The following PARD3B variants were observed in gnomAD, a reference collection of about 807,000 sequenced individuals.
The protein encoded by PARD3B is partitioning defective 3 homolog B.
Under a neutral mutation model 130.2 loss-of-function variants are expected in PARD3B, and 103 were observed. The ratio of observed to expected loss-of-function variants is 0.79; its 90% CI spans 0.67 to 0.93. The LOEUF is 0.93. PARD3B is among the 40% of genes least tolerant of loss of function. The probability of loss-of-function intolerance (pLI) is 0.00; values close to 1 mark genes in which losing one functional copy is unlikely to be tolerated. For missense variants in PARD3B, 1,609 were observed against 1,499.2 expected (o/e 1.07, Z -1.21); for synonymous variants, 583 against 553.2 (o/e 1.05, Z -0.76).
chr2:205,199,508 C>CG (rs2036874831), intron 15 of PARD3B, among the ~76,000 whole-genome samples: 1 of 151,940 alleles, frequency 6.6e-6, no homozygotes, highest in South Asian at 2.1e-4. Context: ...CACGCACACA[C>CG]GCACACACGT....
intron 2 of PARD3B, among the ~76,000 whole-genome samples, chr2:204,750,627 TACATACACACAC>T (rs1339072144): frequency 2.9e-5 from 4 of 138,866 alleles, no homozygotes; most frequent in Non-Finnish European, 6.2e-5. Context: ...CATACATACA[TACATACACACAC>T]ACATACATAC....
At chr2:205,579,900 A>T (rs1262959529) in intron 22 of PARD3B, among the ~76,000 whole-genome samples, 1 of 152,106 alleles carries the variant, frequency 6.6e-6, no homozygotes, top group East Asian at 1.9e-4. Flanking sequence ...TATTCCAAGC[A>T]CCCTACCTTG....
chr2:204,649,395 G>A (rs1035788534), intron 1 of PARD3B, among the ~76,000 whole-genome samples: 2 of 151,990 alleles, frequency 1.3e-5, no homozygotes, highest in East Asian at 1.9e-4. Flanking sequence ...GTCATTGGAT[G>A]TGTGTGTCTA....
chr2:205,494,210 C>G (rs2049841634), intron 20 of PARD3B, among the ~76,000 whole-genome samples: 1 of 152,188 alleles, frequency 6.6e-6, no homozygotes, highest in African/African-American at 2.4e-5. Flanking sequence ...AAAACAGAAA[C>G]AGCTGTTTGA....
intron 2 of PARD3B, among the ~76,000 whole-genome samples, chr2:204,801,353 A>C (rs2042561188): frequency 6.6e-6 from 1 of 152,196 alleles, no homozygotes; most frequent in Non-Finnish European, 1.5e-5. Context: ...TGAGCATGGA[A>C]TGTTTTTCCA....
chr2:205,338,047 G>A lies in PARD3B; in HGVS notation c.2630+36346G>A, dbSNP rs141353151. Among the ~76,000 whole-genome samples the A allele has an allele frequency of 1.1e-3, 161 of 151,630 alleles. 1 individual carries two copies. The highest frequency in any genetic ancestry group is 1.8e-3 in the Non-Finnish European group (123 of 67,872). On this transcript the variant is annotated intron_variant, in intron 18 of 22. Transcript: ENST00000406610. ...CAGACACCTGTAATCCCAGCTACTC[G>A]GGAGGCTGAGGCAGAGAATTGCTTC... is the stretch of plus-strand genomic sequence containing the variant.
intron 2 of PARD3B, among the ~76,000 whole-genome samples, chr2:204,949,554 T>C (rs1046254193): frequency 6.6e-6 from 1 of 152,134 alleles, no homozygotes; most frequent in Admixed American, 6.5e-5. Context: ...ACTCCTGGGC[T>C]CAAGCCGCCC....
At chr2:204,584,091 A>G (rs2032712348) in intron 1 of PARD3B, among the ~76,000 whole-genome samples, 1 of 152,238 alleles carries the variant, frequency 6.6e-6, no homozygotes, top group Non-Finnish European at 1.5e-5. Context: ...AATTAGATGC[A>G]AGGGTGAGGT....
At chr2:204,704,832 A>G (rs2038060224) in intron 2 of PARD3B, among the ~76,000 whole-genome samples, 1 of 151,908 alleles carries the variant, frequency 6.6e-6, no homozygotes, top group African/African-American at 2.4e-5. Flanking sequence ...AGAATTTTTT[A>G]TTGGTTCATT....
At chr2:204,619,316 T>C (rs779126273) in intron 1 of PARD3B, among the ~76,000 whole-genome samples, 2 of 152,096 alleles carry the variant, frequency 1.3e-5, no homozygotes, top group Non-Finnish European at 2.9e-5. Context: ...GGAGAATTAA[T>C]TGGCAGGCAT....
At chr2:205,383,782 T>C (rs1244711249) in intron 18 of PARD3B, among the ~76,000 whole-genome samples, 2 of 152,136 alleles carry the variant, frequency 1.3e-5, no homozygotes, top group Non-Finnish European at 1.5e-5. Context: ...CTTCCTGGTA[T>C]GTAATGAATG....
At chr2:205,441,991 A>G (rs917489890) in intron 20 of PARD3B, among the ~76,000 whole-genome samples, 3 of 152,204 alleles carry the variant, frequency 2.0e-5, no homozygotes, top group Non-Finnish European at 4.4e-5. Flanking sequence ...CCCAGCCTTC[A>G]TAGAGGATTG....
At chr2:205,400,556 G>T (rs377395623) in intron 18 of PARD3B, among the ~76,000 whole-genome samples, 1 of 151,830 alleles carries the variant, frequency 6.6e-6, no homozygotes, top group Non-Finnish European at 1.5e-5. Flanking sequence ...CACGAGAATC[G>T]CTTGAACCCC....
chr2:204,987,539 A>G (rs1693272514), intron 3 of PARD3B, among the ~76,000 whole-genome samples: 1 of 152,232 alleles, frequency 6.6e-6, no homozygotes, highest in African/African-American at 2.4e-5. Context: ...TGATGAACTC[A>G]GATCATCATC....
intron 15 of PARD3B, among the ~76,000 whole-genome samples, chr2:205,218,174 G>A (rs960393204): frequency 1.3e-5 from 2 of 151,816 alleles, no homozygotes; most frequent in African/African-American, 4.8e-5. Flanking sequence ...TACAAGACAT[G>A]AGCCACCACG....
chr2:204,891,625 A>G (rs751654919), intron 2 of PARD3B, among the ~76,000 whole-genome samples: 62 of 152,294 alleles, frequency 4.1e-4, no homozygotes, highest in South Asian at 2.1e-4. Flanking sequence ...ATACTGCAGT[A>G]AAAAGCTTAC....
rs1281074902 is a variant in PARD3B, at chr2:205,291,692, G to A, written c.2186-8838G>A. Among the ~76,000 whole-genome samples, 9 of 152,128 alleles carry A rather than the reference G, an allele frequency of 5.9e-5. No individual in the cohort carries two copies. Among genetic ancestry groups the A allele is most frequent in the Admixed American group, 5.9e-4 (9 of 15,270 alleles). ...GACTGCTTATAGTAAAATTCAAGAT[G>A]AGAAAAATGACCTAAAGATGGAATT... On this transcript the variant is annotated intron_variant, in intron 16 of 22. Coordinates refer to ENST00000406610, the MANE Select transcript of PARD3B (RefSeq NM_001302769.2). The surrounding 1 kb of genome is among the most constrained non-coding windows in gnomAD (Gnocchi z 4.6).
rs114738570 is a variant in PARD3B at position 205,169,395 on chromosome 2, T to G, written c.1621-2816T>G. Among the ~76,000 whole-genome samples, 1,197 of 152,290 alleles carry G rather than the reference T, an allele frequency of 7.9e-3. 23 individuals are homozygous for G. The highest frequency in any genetic ancestry group is 0.027 in the African/African-American group (1,134 of 41,542). On this transcript the variant is annotated intron_variant, in intron 11 of 22. Transcript: ENST00000406610. The stretch of plus-strand genomic sequence containing the variant: ...CAGTGTCATTCTGCATGCTTGAGAT[T>G]TAGAATGTAACTGAAAATAAAAAAA...
chr2:205,498,570 G>A (rs1425259357), intron 20 of PARD3B, among the ~76,000 whole-genome samples: 1 of 152,156 alleles, frequency 6.6e-6, no homozygotes, highest in East Asian at 1.9e-4. Context: ...AAATGAGAGT[G>A]GAAAGGGAAC....
Sources: allele counts gnomAD v4.1 joint callset (sites outside exome capture counted in the v4.1 genomes callset), GRCh38; gene constraint gnomAD v4.1.1; non-coding constraint Gnocchi (gnomAD v3.1); transcripts MANE v1.5; gene names NCBI Gene and HGNC (gene_info 2026-07-23, HGNC 2026-07-21).